SLC10A7: variants seen among roughly 807,000 people sequenced by gnomAD.
SLC10A7 encodes solute carrier family 10 member 7, also known as sodium/bile acid cotransporter 7.
In SLC10A7, 29 loss-of-function variants were observed where a neutral mutation model predicts 43.2. The observed-to-expected ratio is 0.67, with a 90% CI of 0.50 to 0.92. SLC10A7 has a LOEUF of 0.92. Among genes scored for constraint, SLC10A7 ranks in the 40% least tolerant of loss-of-function variants. The pLI, the probability that SLC10A7 is intolerant of heterozygous loss-of-function variation, is 0.00. For missense variants in SLC10A7, 295 were observed against 403.2 expected, an observed-to-expected ratio of 0.73 and a Z score of 2.30; for synonymous variants, 152 against 144.8, an observed-to-expected ratio of 1.05 and a Z score of -0.35.
chr4:146,322,568 T>C (rs1172467344), intron 6 of SLC10A7, among the ~76,000 whole-genome samples: 1 of 152,164 alleles, frequency 6.6e-6, no homozygotes, highest in Non-Finnish European at 1.5e-5. Flanking sequence ...TTTTTATGGC[T>C]GCATAGTATT....
chr4:146,283,313 T>A, intron 9 of SLC10A7, 48 bp from the exon 10 acceptor site: 4 of 1,478,650 alleles, frequency 2.7e-6, no homozygotes, highest in Non-Finnish European at 3.8e-6. Context: ...AAAAGCCAAT[T>A]TAACACATTC....
At chr4:146,256,598 T>G (rs924833201) in intron 11 of SLC10A7, 78 bp from the exon 12 acceptor site, 3 of 1,495,442 alleles carry the variant, frequency 2.0e-6, no homozygotes, top group Non-Finnish European at 2.8e-6. Context: ...ACCAGATAAT[T>G]TATGCTATTA....
intron 5 of SLC10A7, among the ~76,000 whole-genome samples, chr4:146,380,430 A>C (rs1177329918): frequency 6.6e-6 from 1 of 152,184 alleles, no homozygotes; most frequent in Non-Finnish European, 1.5e-5. Context: ...ACTACTTGCC[A>C]TCAATGTGCA....
At chr4:146,396,662 T>C (rs1738846618) in intron 5 of SLC10A7, among the ~76,000 whole-genome samples, 1 of 152,146 alleles carries the variant, frequency 6.6e-6, no homozygotes, top group South Asian at 2.1e-4. Context: ...CCTTACTCTT[T>C]ATGTACCAAA....
chr4:146,426,668 G>C (rs758155427), intron 5 of SLC10A7, among the ~76,000 whole-genome samples: 4 of 152,232 alleles, frequency 2.6e-5, no homozygotes, highest in Admixed American at 1.3e-4. Context: ...GAGGTCAGGA[G>C]ATGGAGACCA....
intron 5 of SLC10A7, among the ~76,000 whole-genome samples, chr4:146,366,601 C>T (rs561194622): frequency 1.3e-5 from 2 of 152,070 alleles, no homozygotes; most frequent in East Asian, 1.9e-4. Flanking sequence ...TCTTGGTCAT[C>T]GACATTATTA....
intron 4 of SLC10A7, among the ~76,000 whole-genome samples, chr4:146,500,095 AT>A (rs1736259182): frequency 6.6e-6 from 1 of 152,196 alleles, no homozygotes. Context: ...TATCTCACTA[AT>A]TATATGGCAA....
At chr4:146,326,917 GACACAC>G (rs71640636) in intron 5 of SLC10A7, among the ~76,000 whole-genome samples, 17,254 of 147,292 alleles carry the variant, frequency 0.12, 1,168 homozygotes, top group African/African-American at 0.14. Flanking sequence ...GAGAGGGACA[GACACAC>G]ACACACACAC....
chr4:146,500,696 C>T (rs1345171265), intron 4 of SLC10A7, among the ~76,000 whole-genome samples: 1 of 152,178 alleles, frequency 6.6e-6, no homozygotes, highest in Non-Finnish European at 1.5e-5. Context: ...TTCTACCCCA[C>T]ATCCCCTCTA....
intron 5 of SLC10A7, among the ~76,000 whole-genome samples, chr4:146,342,852 T>C (rs1734360988): frequency 6.6e-6 from 1 of 151,832 alleles, no homozygotes; most frequent in African/African-American, 2.4e-5. Context: ...AAATTAGTTG[T>C]GTGGTTGATT....
chr4:146,397,710 C>T (rs1738934654), intron 5 of SLC10A7, among the ~76,000 whole-genome samples: 1 of 152,198 alleles, frequency 6.6e-6, no homozygotes, highest in Non-Finnish European at 1.5e-5. Context: ...AACATTAAGT[C>T]TGCAAGTTGT....
intron 5 of SLC10A7, among the ~76,000 whole-genome samples, chr4:146,430,315 A>C (rs2149868103): frequency 6.6e-6 from 1 of 152,266 alleles, no homozygotes; most frequent in East Asian, 1.9e-4. Context: ...CATAGGAGTG[A>C]CACATAAAAG....
At chr4:146,317,100 A>G (rs7689088) in intron 6 of SLC10A7, among the ~76,000 whole-genome samples, 111,241 of 151,912 alleles carry the variant, frequency 0.73, 41,254 homozygotes, top group African/African-American at 0.83. Context: ...ACCTCTCTAC[A>G]AATAGAGTGT....
chr4:146,449,589 G>T (rs1178794195), intron 4 of SLC10A7, among the ~76,000 whole-genome samples: 4 of 152,114 alleles, frequency 2.6e-5, no homozygotes, highest in African/African-American at 9.6e-5. Context: ...ACCCCATCCT[G>T]TTCTCTCTCA....
chr4:146,345,456 T>C (rs1460659273), intron 5 of SLC10A7, among the ~76,000 whole-genome samples: 3 of 152,162 alleles, frequency 2.0e-5, no homozygotes, highest in African/African-American at 7.2e-5. Flanking sequence ...CATTTCCATC[T>C]TTTTCCATTC....
intron 4 of SLC10A7, 56 bp from the exon 5 acceptor site, chr4:146,442,877 A>G: frequency 8.2e-7 from 1 of 1,219,140 alleles, no homozygotes; most frequent in Non-Finnish European, 1.2e-6. Flanking sequence ...AAGAATAATA[A>G]AGCCAAAGAT....
intron 5 of SLC10A7, among the ~76,000 whole-genome samples, chr4:146,377,237 C>T (rs1225622017): frequency 1.3e-5 from 2 of 152,152 alleles, no homozygotes; most frequent in African/African-American, 4.8e-5. Flanking sequence ...TTACTTTTTA[C>T]ACACTCAATA....
chr4:146,352,530 G>C (rs371474618), intron 5 of SLC10A7, among the ~76,000 whole-genome samples: 3 of 151,384 alleles, frequency 2.0e-5, no homozygotes, highest in African/African-American at 7.3e-5. Flanking sequence ...TCTGCACCAA[G>C]AGGACCTCAT....
chr4:146,378,259 A>G (rs1413907016), intron 5 of SLC10A7, among the ~76,000 whole-genome samples: 1 of 152,232 alleles, frequency 6.6e-6, no homozygotes, highest in African/African-American at 2.4e-5. Context: ...TCAACAGTTC[A>G]TCTGCCTAGC....
Sources: gnomAD v4.1 joint callset for allele counts (sites outside exome capture counted in the v4.1 genomes callset) on GRCh38, gnomAD v4.1.1 for gene constraint, MANE v1.5 for transcripts, NCBI Gene and HGNC (gene_info 2026-07-23, HGNC 2026-07-21) for gene names.